The following PCSK5 variants were observed in gnomAD, a reference collection of about 807,000 sequenced individuals.
The protein encoded by PCSK5 is proprotein convertase subtilisin/kexin type 5, also known as prohormone convertase 5.
A neutral mutation model predicts 233.2 loss-of-function variants in PCSK5; 129 were observed. That is an observed-to-expected ratio of 0.55 (90% CI 0.48 to 0.64). PCSK5 has a LOEUF of 0.64. Ranked by LOEUF, PCSK5 falls within the 30% of genes least tolerant of loss-of-function variation. PCSK5 has a pLI of 0.00. For synonymous variants in PCSK5, 825 were observed against 879.2 expected (o/e 0.94, Z 1.09); for missense variants, 2,076 against 2,430.1 (o/e 0.85, Z 3.06).
At chr9:75,989,202 A>AC (rs1388397800) in intron 3 of PCSK5, among the ~76,000 whole-genome samples, 1 of 151,904 alleles carries the variant, frequency 6.6e-6, no homozygotes, top group African/African-American at 2.4e-5. Flanking sequence ...AATCAGTCAA[A>AC]CTCTCCTCAA....
At chr9:76,176,973 T>C (rs1319131886) in intron 14 of PCSK5, among the ~76,000 whole-genome samples, 1 of 152,166 alleles carries the variant, frequency 6.6e-6, no homozygotes, top group East Asian at 1.9e-4. Flanking sequence ...TAACGCATAA[T>C]GGACAAAGCT....
intron 21 of PCSK5, among the ~76,000 whole-genome samples, chr9:76,230,290 C>T (rs889780828): frequency 3.9e-5 from 6 of 152,090 alleles, no homozygotes; most frequent in Admixed American, 6.6e-5. Context: ...GAGATCTCAC[C>T]TATGCTTTTG....
chr9:76,289,951 G>T (rs139874168), intron 24 of PCSK5, among the ~76,000 whole-genome samples: 51 of 152,238 alleles, frequency 3.4e-4, no homozygotes, highest in African/African-American at 1.2e-3. Context: ...GCTTGGTTCT[G>T]TTTAACATTT....
Position 76,159,968 on chromosome 9 carries a change from G to A in PCSK5, c.1619+797G>A, listed in dbSNP as rs115703645. Among the ~76,000 whole-genome samples the A allele has an allele frequency of 9.3e-3, 1,406 of 151,796 alleles. 28 individuals are homozygous for A. Among genetic ancestry groups the A allele is most frequent in the African/African-American group, 0.031 (1,278 of 41,362 alleles). Reference sequence around the variant, plus strand: ...CTCCTGAGTAGCTGTGAGTACAGCCGTGCCCCACCATGCCTGGCTAGTTTT... The same window carrying A: ...CTCCTGAGTAGCTGTGAGTACAGCCATGCCCCACCATGCCTGGCTAGTTTT... On this transcript the variant is annotated intron_variant, in intron 12 of 37. Coordinates refer to ENST00000674117, the MANE Select transcript of PCSK5 (RefSeq NM_001372043.1).
chr9:75,996,203 C>A (rs1195735698), intron 3 of PCSK5, among the ~76,000 whole-genome samples: 2 of 152,172 alleles, frequency 1.3e-5, no homozygotes, highest in East Asian at 1.9e-4. Flanking sequence ...TTAGGGAATC[C>A]CAACTGAATT....
rs928181415 is a variant in PCSK5 at position 76,358,736 on chromosome 9, C to T, written c.5478C>T (p.Ser1826=). 1.2e-6 allele frequency: 2 copies of T among 1,612,868 alleles called. No homozygotes were observed. The highest frequency in any genetic ancestry group is 1.6e-4 in the Middle Eastern group (1 of 6,062). Residue 1826 remains serine, a synonymous_variant, in exon 38 of 38, where the codon AGC becomes AGT. Transcript: ENST00000674117. ...CCTATAAGAGCAGCTATAGAGAGAG[C>T]ACCAGCTTTGAAGAGGATCAGGTGA... is the stretch of plus-strand genomic sequence containing the variant. ...YSSYKSSYRE[S]TSFEEDQVIE...
chr9:76,219,136 C>T (rs1358075234), intron 20 of PCSK5, among the ~76,000 whole-genome samples: 1 of 152,208 alleles, frequency 6.6e-6, no homozygotes, highest in African/African-American at 2.4e-5. Context: ...AGCTCCTCCT[C>T]TCTCCAGGGG....
At chr9:75,973,332 C>G (rs1825880666) in intron 2 of PCSK5, among the ~76,000 whole-genome samples, 1 of 152,166 alleles carries the variant, frequency 6.6e-6, no homozygotes. Flanking sequence ...CCAGATGCTC[C>G]TAACTGTAAA....
At chr9:76,261,011 A>G (rs185676900) in intron 24 of PCSK5, among the ~76,000 whole-genome samples, 1 of 152,276 alleles carries the variant, frequency 6.6e-6, no homozygotes, top group African/African-American at 2.4e-5. Flanking sequence ...TTTCATGCCT[A>G]TCCTGAAGAC....
intron 24 of PCSK5, 63 bp downstream of exon 24, chr9:76,240,747 CA>C: frequency 8.9e-7 from 1 of 1,129,906 alleles, no homozygotes; most frequent in South Asian, 1.3e-5. Context: ...CACACATCTT[CA>C]TCCTGTCATT....
chr9:76,071,918 A>G lies in PCSK5; in HGVS notation c.894+20A>G. 1 of 1,606,736 alleles carries G rather than the reference A, an allele frequency of 6.2e-7. No homozygotes were observed. Among genetic ancestry groups the G allele is most frequent in the Non-Finnish European group, 8.5e-7 (1 of 1,175,126 alleles). On this transcript the variant is annotated intron_variant, in intron 7 of 37. Transcript: ENST00000674117. ...AGAATGGTAGGTTTTAAAAGCATGGAGGCTTATACTGTGTGGATGGGTGAT... is the reference window on the plus strand; with the variant it reads ...AGAATGGTAGGTTTTAAAAGCATGGGGGCTTATACTGTGTGGATGGGTGAT...
At chr9:76,324,167 C>G (rs905213397) in intron 32 of PCSK5, among the ~76,000 whole-genome samples, 5 of 151,884 alleles carry the variant, frequency 3.3e-5, no homozygotes, top group African/African-American at 7.3e-5. Flanking sequence ...CTCAAGTGAT[C>G]CACCTGCCTC....
At chr9:75,997,817 G>T (rs1242967828) in intron 3 of PCSK5, among the ~76,000 whole-genome samples, 1 of 152,202 alleles carries the variant, frequency 6.6e-6, no homozygotes, top group Non-Finnish European at 1.5e-5. Context: ...CAGTCAGTTT[G>T]TCTGGATGGT....
chr9:76,123,957 TC>T (rs1183962635), intron 9 of PCSK5, among the ~76,000 whole-genome samples: 3 of 152,078 alleles, frequency 2.0e-5, no homozygotes, highest in African/African-American at 7.2e-5. Flanking sequence ...ATTTCTTTTT[TC>T]ATTTGTATTG....
chr9:76,355,330 A>G (rs558179014), intron 37 of PCSK5, among the ~76,000 whole-genome samples: 17 of 152,118 alleles, frequency 1.1e-4, no homozygotes, highest in South Asian at 4.1e-4. Context: ...AAAATTAGCC[A>G]GGCGTGGTGG....
intron 2 of PCSK5, among the ~76,000 whole-genome samples, chr9:75,953,123 A>G (rs909570600): frequency 1.1e-4 from 16 of 152,184 alleles, no homozygotes; most frequent in African/African-American, 3.6e-4. Flanking sequence ...TTCATAGTCT[A>G]AAATGACTGT....
intron 5 of PCSK5, among the ~76,000 whole-genome samples, chr9:76,062,944 T>TC: frequency 6.6e-6 from 1 of 152,178 alleles, no homozygotes; most frequent in South Asian, 2.1e-4. Context: ...TGCCTCCTCA[T>TC]CCCCCACACA....
chr9:75,994,490 T>A (rs1052540412), intron 3 of PCSK5, among the ~76,000 whole-genome samples: 4 of 134,346 alleles, frequency 3.0e-5, no homozygotes, highest in African/African-American at 1.1e-4. Flanking sequence ...AGTGGCGCGA[T>A]CTTAGCTCAC....
chr9:76,224,833 T>A (rs1825837626), intron 20 of PCSK5, among the ~76,000 whole-genome samples: 1 of 152,062 alleles, frequency 6.6e-6, no homozygotes, highest in Non-Finnish European at 1.5e-5. Context: ...CAGAAGAAAA[T>A]TTAAAATTTT....
Sources: allele counts gnomAD v4.1 joint callset (sites outside exome capture counted in the v4.1 genomes callset), GRCh38; gene constraint gnomAD v4.1.1; transcripts MANE v1.5; gene names NCBI Gene and HGNC (gene_info 2026-07-23, HGNC 2026-07-21).